The following TXNL1 variants were observed in gnomAD, a reference collection of about 807,000 sequenced individuals.
TXNL1 encodes thioredoxin like 1.
TXNL1 carries 14 observed loss-of-function variants against 35.5 expected under a neutral mutation model. That is an observed-to-expected ratio of 0.39 (90% CI 0.26 to 0.62). The LOEUF (loss-of-function observed/expected upper bound fraction) is 0.62. TXNL1 is among the 20% of genes least tolerant of loss of function. TXNL1 has a pLI of 0.47. For synonymous variants in TXNL1, 110 were observed against 115.5 expected (o/e 0.95, Z 0.31); for missense variants, 263 against 349.7 (o/e 0.75, Z 1.98).
intron 4 of TXNL1, 124 bp from the exon 5 acceptor site, chr18:56,616,438 A>C: frequency 2.6e-6 from 2 of 777,572 alleles, no homozygotes; most frequent in South Asian, 1.9e-5. Context: ...GAACAAAACC[A>C]ACGTAATATG....
chr18:56,621,770 C>T (rs2024190750), intron 3 of TXNL1, among the ~76,000 whole-genome samples: 1 of 151,906 alleles, frequency 6.6e-6, no homozygotes, highest in Admixed American at 6.6e-5. Flanking sequence ...GAGGCTGAGA[C>T]AGGTGGATCA....
In TXNL1 at chr18:56,602,739, A is replaced by G; in HGVS notation, c.*288T>C. ...TGGCTTTCAATCAATATACTACCAGACACTTAAGTCTCTACTAAAATCAGA... is the reference window on the plus strand; with the variant it reads ...TGGCTTTCAATCAATATACTACCAGGCACTTAAGTCTCTACTAAAATCAGA... On this transcript the variant is annotated 3_prime_UTR_variant, in exon 8 of 8. Transcript: ENST00000217515. The G allele has an allele frequency of 2.0e-6, 1 of 501,140 alleles. No homozygotes were observed. Among genetic ancestry groups the G allele is most frequent in the Non-Finnish European group, 3.5e-6 (1 of 284,004 alleles). 31.0% of individuals were successfully genotyped at this position (501,140 alleles called of 1,614,324 possible).
At chr18:56,619,534 C>T (rs2024147189) in intron 3 of TXNL1, among the ~76,000 whole-genome samples, 1 of 35,716 alleles carries the variant, frequency 2.8e-5, no homozygotes, top group Non-Finnish European at 6.2e-5. Flanking sequence ...AAGACTCTGT[C>T]TCCAAAAAAA....
Position 56,600,986 on chromosome 18 carries a change from A to G in TXNL1, c.*2041T>C, listed in dbSNP as rs916908047. The G allele has an allele frequency of 3.9e-5, 6 of 152,246 alleles. No homozygotes were observed. The highest frequency in any genetic ancestry group is 6.5e-5 in the Admixed American group (1 of 15,282). 9.4% of individuals were successfully genotyped at this position (152,246 alleles called of 1,614,324 possible). A position where few individuals can be genotyped will look rare whatever the true frequency, so the allele number is the denominator to read the frequency against. On this transcript the variant is annotated 3_prime_UTR_variant, in exon 8 of 8. Transcript: ENST00000217515. ...TTTGCTATGTCCGACAAAATGAACA[A>G]GAAACTGAATACCAGTTTTCTAGAT...
intron 3 of TXNL1, among the ~76,000 whole-genome samples, chr18:56,623,462 AG>A (rs1356452086): frequency 6.6e-6 from 1 of 151,218 alleles, no homozygotes; most frequent in African/African-American, 2.4e-5. Flanking sequence ...CTTTAACTTG[AG>A]GTAACTTTTT....
intron 3 of TXNL1, among the ~76,000 whole-genome samples, chr18:56,619,537 CAAAA>C (rs71169375): frequency 1.2e-4 from 10 of 82,038 alleles, no homozygotes; most frequent in Admixed American, 3.0e-4. Flanking sequence ...ACTCTGTCTC[CAAAA>C]AAAAAAAAAA....
chr18:56,629,962 G>A lies in TXNL1; in HGVS notation c.99-3505C>T, dbSNP rs567080597. Among the ~76,000 whole-genome samples the A allele has an allele frequency of 6.6e-5, 10 of 152,264 alleles. No homozygotes were observed. The East Asian group carries it at 1.7e-3, about 26-fold the overall frequency. ...GCCTGTAATCTCAGCACTTTGGGAG[G>A]CCAAGGCAGGTGGATCACTTTAGGG... is the stretch of plus-strand genomic sequence containing the variant. On this transcript the variant is annotated intron_variant, in intron 1 of 7. Coordinates refer to ENST00000217515, the MANE Select transcript of TXNL1 (RefSeq NM_004786.3).
Position 56,621,690 on chromosome 18 carries a change from A to G in TXNL1, c.369+2598T>C, listed in dbSNP as rs577472162. Among the ~76,000 whole-genome samples, 3 of 152,308 alleles carry G rather than the reference A, an allele frequency of 2.0e-5. No individual in the cohort carries two copies. The South Asian group carries it at 6.2e-4, about 32-fold the overall frequency. On this transcript the variant is annotated intron_variant, in intron 3 of 7. Coordinates refer to ENST00000217515, the MANE Select transcript of TXNL1 (RefSeq NM_004786.3). ...GAAAATAATCAGGTTAATCCAGAAT[A>G]CGCAACAGTCTATAAAACAGATATC...
rs752507635 is a variant in TXNL1, at chr18:56,597,528, GATTC to G, written c.*5495_*5498del. On this transcript the variant is annotated 3_prime_UTR_variant, in exon 8 of 8. Coordinates refer to ENST00000217515, the MANE Select transcript of TXNL1 (RefSeq NM_004786.3). ...TGAAGATGGTGACTGCTCCCTCTTGGATTCATTAACACTACTTTATTACCACCTC... is the reference window on the plus strand; with the variant it reads ...TGAAGATGGTGACTGCTCCCTCTTGGATTAACACTACTTTATTACCACCTC... 31 of 152,134 alleles carry G rather than the reference GATTC, an allele frequency of 2.0e-4. No homozygotes were observed. The highest frequency in any genetic ancestry group is 1.3e-4 in the Non-Finnish European group (9 of 68,020). 9.4% of individuals were successfully genotyped at this position (152,134 alleles called of 1,614,324 possible).
intron 4 of TXNL1, 100 bp downstream of exon 4, chr18:56,617,904 A>C: frequency 7.1e-7 from 1 of 1,414,892 alleles, no homozygotes; most frequent in Non-Finnish European, 9.7e-7. Context: ...AGAAGTGATC[A>C]TCTGGGAAGG....
In TXNL1 at chr18:56,601,455, G is replaced by T. The variant is rs574979140; in HGVS notation, c.*1572C>A. 9.2e-5 allele frequency: 14 copies of T among 152,288 alleles called. No individual in the cohort carries two copies. The East Asian group carries it at 2.7e-3, about 29-fold the overall frequency. 9.4% of individuals were successfully genotyped at this position (152,288 alleles called of 1,614,324 possible). Reference sequence around the variant, plus strand: ...TTTAACAATTACTCAGAAAGGTTAAGTGTACAAAACTGTAAACCAAAACCC... The same window carrying T: ...TTTAACAATTACTCAGAAAGGTTAATTGTACAAAACTGTAAACCAAAACCC... On this transcript the variant is annotated 3_prime_UTR_variant, in exon 8 of 8. Transcript: ENST00000217515.
rs2023773928 is a variant in TXNL1 at position 56,598,753 on chromosome 18, C to A, written c.*4274G>T. The A allele has an allele frequency of 6.6e-6, 1 of 152,178 alleles. No individual in the cohort carries two copies. Among genetic ancestry groups the A allele is most frequent in the Non-Finnish European group, 1.5e-5 (1 of 68,022 alleles). 9.4% of individuals were successfully genotyped at this position (152,178 alleles called of 1,614,324 possible). A position where few individuals can be genotyped will look rare whatever the true frequency, so the allele number is the denominator to read the frequency against. ...AAGATACTTATCCTTGTTCCAGATACAAAGTAAGGCGCATCTTCAGAACAA... is the reference window on the plus strand; with the variant it reads ...AAGATACTTATCCTTGTTCCAGATAAAAAGTAAGGCGCATCTTCAGAACAA... On this transcript the variant is annotated 3_prime_UTR_variant, in exon 8 of 8. Coordinates refer to ENST00000217515, the MANE Select transcript of TXNL1 (RefSeq NM_004786.3).
intron 3 of TXNL1, among the ~76,000 whole-genome samples, chr18:56,618,686 GTT>G (rs2024130027): frequency 6.8e-6 from 1 of 146,812 alleles, no homozygotes. Flanking sequence ...CTCCTGATTA[GTT>G]TGAAAAAAAA....
In TXNL1 at chr18:56,600,584, T is replaced by C. The variant is rs1411137715; in HGVS notation, c.*2443A>G. The C allele has an allele frequency of 6.7e-6, 1 of 149,066 alleles. No homozygotes were observed. Among genetic ancestry groups the C allele is most frequent in the African/African-American group, 2.5e-5 (1 of 39,926 alleles). The allele number at this position is 149,066 out of a possible 1,614,324, so 9.2% of individuals were successfully genotyped here. ...TATGTGGCTGCCTCCAACAGTATAT[T>C]GAGACTGGGGAACAACGTGGGGCAG... is the stretch of plus-strand genomic sequence containing the variant. On this transcript the variant is annotated 3_prime_UTR_variant, in exon 8 of 8. Coordinates refer to ENST00000217515, the MANE Select transcript of TXNL1 (RefSeq NM_004786.3).
intron 3 of TXNL1, among the ~76,000 whole-genome samples, chr18:56,621,430 G>A (rs1292951518): frequency 3.3e-5 from 5 of 151,942 alleles, no homozygotes; most frequent in Non-Finnish European, 7.4e-5. Context: ...CTGACCTCAG[G>A]TGATCCACCC....
rs536230266 is a variant in TXNL1 at position 56,598,235 on chromosome 18, T to C, written c.*4792A>G. The C allele has an allele frequency of 3.3e-5, 5 of 152,272 alleles. No individual in the cohort carries two copies. The South Asian group carries it at 8.3e-4, about 25-fold the overall frequency. The allele number at this position is 152,272 out of a possible 1,614,324, so 9.4% of individuals were successfully genotyped here. ...ATTGTATTTAATGATAGAAACCAAA[T>C]AAACTGGCTTAATACTAGAGACAAA... On this transcript the variant is annotated 3_prime_UTR_variant, in exon 8 of 8. Transcript: ENST00000217515.
At chr18:56,603,442 G>A (rs1172480949) in intron 7 of TXNL1, among the ~76,000 whole-genome samples, 2 of 151,980 alleles carry the variant, frequency 1.3e-5, no homozygotes, top group East Asian at 1.9e-4. Flanking sequence ...AATTAGAAGC[G>A]TATGTTAAAC....
intron 1 of TXNL1, 147 bp from the exon 2 acceptor site, chr18:56,626,604 C>CA (rs2024284286): frequency 1.3e-6 from 1 of 743,738 alleles, no homozygotes; most frequent in Non-Finnish European, 2.1e-6. Context: ...TTGCTTTAGA[C>CA]AGAGTCTCAC....
chr18:56,626,797 CTT>C (rs386387792), intron 1 of TXNL1, among the ~76,000 whole-genome samples: 3,759 of 54,734 alleles, frequency 0.069, 161 homozygotes, highest in African/African-American at 0.21. Flanking sequence ...CCAAGCCGGT[CTT>C]TTTTTTTTTT....
Sources: gnomAD v4.1 joint callset for allele counts (sites outside exome capture counted in the v4.1 genomes callset) on GRCh38, gnomAD v4.1.1 for gene constraint, MANE v1.5 for transcripts, NCBI Gene and HGNC (gene_info 2026-07-23, HGNC 2026-07-21) for gene names.